Variants in DPYS observed in about 807,000 individuals in gnomAD.
DPYS encodes the protein dihydropyrimidine amidohydrolase.
Under a neutral mutation model 50.3 loss-of-function variants are expected in DPYS, and 39 were observed. That is an observed-to-expected ratio of 0.78 (90% CI 0.60 to 1.01). DPYS has a LOEUF of 1.01. Ranked by LOEUF, DPYS falls within the 50% of genes least tolerant of loss-of-function variation. DPYS has a pLI of 0.00. For synonymous variants in DPYS, 245 were observed against 250.7 expected, an observed-to-expected ratio of 0.98 and a Z score of 0.22; for missense variants, 659 against 680.9, an observed-to-expected ratio of 0.97 and a Z score of 0.36.
intron 4 of DPYS, among the ~76,000 whole-genome samples, chr8:104,441,036 A>T (rs1216734898): frequency 6.6e-6 from 1 of 152,162 alleles, no homozygotes; most frequent in East Asian, 1.9e-4. Context: ...AGCTGGGCAC[A>T]GTTTATGTCC....
At position 104,424,097 on chromosome 8, in the gene DPYS, C is replaced by T. The variant is rs1045072290; in HGVS notation, c.1235+150G>A. ...CAAAGGAATATTTGCACATCAAAAC[C>T]TTTATCTTGTGTACAGGATCAAAAT... On this transcript the variant is annotated intron_variant, in intron 7 of 9. Coordinates refer to ENST00000351513, the MANE Select transcript of DPYS (RefSeq NM_001385.3). The T allele has an allele frequency of 9.1e-6, 14 of 1,536,328 alleles. No homozygotes were observed. In the African/African-American group the frequency reaches 1.5e-4, roughly 17 times the overall value.
At chr8:104,431,726 C>A (rs1376714614) in intron 4 of DPYS, among the ~76,000 whole-genome samples, 1 of 152,102 alleles carries the variant, frequency 6.6e-6, no homozygotes, top group Non-Finnish European at 1.5e-5. Context: ...AATACAATCT[C>A]ATTTGACCTT....
At chr8:104,451,531 T>A in intron 1 of DPYS, 127 bp from the exon 2 acceptor site, 1 of 1,147,940 alleles carries the variant, frequency 8.7e-7, no homozygotes, top group Non-Finnish European at 1.3e-6. Flanking sequence ...TGCAAAAAGA[T>A]GCTGCCTGTT....
chr8:104,407,651 G>A (rs1812039958), intron 7 of DPYS, among the ~76,000 whole-genome samples: 1 of 152,180 alleles, frequency 6.6e-6, no homozygotes, highest in South Asian at 2.1e-4. Flanking sequence ...TGAGGCATGA[G>A]AGGAGAAGAA....
Position 104,428,076 on chromosome 8 carries a change from G to A in DPYS, c.996C>T (p.Thr332=). ...CATCCTTCCCAAGAGCTTTCTGGCA[G>A]GTGTTGAAAGTGCAGTTATCAGTCC... is the stretch of plus-strand genomic sequence containing the variant. The part of the protein sequence containing the change: ...TTGTDNCTFN[T]CQKALGKDDF... Residue 332 remains threonine (T), a synonymous_variant, in exon 6 of 10, where the codon ACC becomes ACT. Transcript: ENST00000351513. 6.2e-7 allele frequency: 1 copy of A among 1,614,204 alleles called. No individual in the cohort carries two copies. The highest frequency in any genetic ancestry group is 8.5e-7 in the Non-Finnish European group (1 of 1,180,030).
chr8:104,466,971 G>T lies in DPYS; in HGVS notation c.-51C>A. The T allele has an allele frequency of 7.3e-7, 1 of 1,364,430 alleles. No individual in the cohort carries two copies. The highest frequency in any genetic ancestry group is 9.4e-7 in the Non-Finnish European group (1 of 1,062,972). The allele number at this position is 1,364,430 out of a possible 1,614,324, so 84.5% of individuals were successfully genotyped here. A position where few individuals can be genotyped will look rare whatever the true frequency, so the allele number is the denominator to read the frequency against. Reference sequence around the variant, plus strand: ...CGGCCCGGGCTGCGCGCAGGGGCTGGGTTGGGCGGGCCGGGCGGGCTTGGG... The same window carrying T: ...CGGCCCGGGCTGCGCGCAGGGGCTGTGTTGGGCGGGCCGGGCGGGCTTGGG... On this transcript the variant is annotated 5_prime_UTR_variant, in exon 1 of 10. Coordinates refer to ENST00000351513, the MANE Select transcript of DPYS (RefSeq NM_001385.3).
intron 7 of DPYS, among the ~76,000 whole-genome samples, chr8:104,396,849 T>C (rs1373839489): frequency 6.7e-6 from 1 of 149,342 alleles, no homozygotes; most frequent in East Asian, 1.9e-4. Context: ...AAGGTCATTA[T>C]GTTGACTTTC....
intron 1 of DPYS, among the ~76,000 whole-genome samples, chr8:104,451,752 T>C (rs1381624476): frequency 6.6e-6 from 1 of 152,236 alleles, no homozygotes; most frequent in African/African-American, 2.4e-5. Context: ...ATATTCATTA[T>C]TATAAAATTC....
intron 7 of DPYS, among the ~76,000 whole-genome samples, chr8:104,395,465 C>T (rs190213484): frequency 3.0e-4 from 46 of 152,304 alleles, no homozygotes; most frequent in African/African-American, 4.1e-4. Flanking sequence ...TCTGTAGTCA[C>T]GCCCTCCCCC....
intron 7 of DPYS, among the ~76,000 whole-genome samples, chr8:104,412,491 A>G (rs1246506307): frequency 2.0e-5 from 3 of 152,198 alleles, no homozygotes; most frequent in African/African-American, 7.2e-5. Context: ...TGCGGTTAGA[A>G]TGATGAAATA....
intron 4 of DPYS, among the ~76,000 whole-genome samples, chr8:104,438,313 T>C (rs1455776513): frequency 6.6e-6 from 1 of 152,206 alleles, no homozygotes; most frequent in Non-Finnish European, 1.5e-5. Flanking sequence ...GAACTCTTCA[T>C]GATATGGTAA....
intron 8 of DPYS, 35 bp downstream of exon 8, chr8:104,392,749 C>T (rs932660804): frequency 7.4e-6 from 12 of 1,612,118 alleles, no homozygotes; most frequent in African/African-American, 1.3e-5. Context: ...GGAGACAGTC[C>T]GACTTGTGGC....
At chr8:104,417,979 TG>T (rs1290918303) in intron 7 of DPYS, among the ~76,000 whole-genome samples, 1 of 152,218 alleles carries the variant, frequency 6.6e-6, no homozygotes. Flanking sequence ...TGGTCTCCCC[TG>T]GTAACTTTAA....
chr8:104,385,443 C>A (rs553051234), intron 8 of DPYS, among the ~76,000 whole-genome samples: 20 of 152,318 alleles, frequency 1.3e-4, no homozygotes, highest in African/African-American at 4.1e-4. Context: ...TGAGAACACA[C>A]TGTTGGAAGG....
intron 7 of DPYS, among the ~76,000 whole-genome samples, chr8:104,406,157 G>T (rs1247769837): frequency 6.6e-6 from 1 of 152,134 alleles, no homozygotes; most frequent in Non-Finnish European, 1.5e-5. Context: ...GCCCCTCCTT[G>T]CCTGCCCTTC....
intron 1 of DPYS, among the ~76,000 whole-genome samples, chr8:104,463,723 T>C (rs1564118092): frequency 6.6e-6 from 1 of 152,204 alleles, no homozygotes; most frequent in Non-Finnish European, 1.5e-5. Context: ...AATAGGAAGA[T>C]GTTTTTCAAG....
chr8:104,455,089 ATGTAACAAACC>A (rs1412821974), intron 1 of DPYS, among the ~76,000 whole-genome samples: 5 of 152,216 alleles, frequency 3.3e-5, no homozygotes, highest in African/African-American at 1.2e-4. Flanking sequence ...ATGTATACCT[ATGTAACAAACC>A]TGTACATTCT....
chr8:104,453,058 C>T (rs760325525), intron 1 of DPYS, among the ~76,000 whole-genome samples: 2 of 152,126 alleles, frequency 1.3e-5, no homozygotes, highest in Non-Finnish European at 2.9e-5. Context: ...CCAACAGCTT[C>T]CAGATACACC....
chr8:104,393,147 A>G (rs1488895305), intron 7 of DPYS, among the ~76,000 whole-genome samples, 156 bp from the exon 8 acceptor site: 1 of 152,208 alleles, frequency 6.6e-6, no homozygotes, highest in Non-Finnish European at 1.5e-5. Context: ...ATAGAACATA[A>G]CATTAACATT....
Sources: gnomAD v4.1 joint callset for allele counts (sites outside exome capture counted in the v4.1 genomes callset) on GRCh38, gnomAD v4.1.1 for gene constraint, MANE v1.5 for transcripts, NCBI Gene and HGNC (gene_info 2026-07-23, HGNC 2026-07-21) for gene names.